The following USP24 variants were observed in gnomAD, a reference collection of about 807,000 sequenced individuals.
USP24 encodes ubiquitin specific peptidase 24.
In USP24, 97 loss-of-function variants were observed where a neutral mutation model predicts 361.6. The ratio of observed to expected loss-of-function variants is 0.27; its 90% CI spans 0.23 to 0.32. The LOEUF is 0.32. USP24 is among the 10% of genes least tolerant of loss of function. USP24 has a pLI of 1.00. For synonymous variants in USP24, 1,098 were observed against 1,124.6 expected (o/e 0.98, Z 0.47); for missense variants, 2,353 against 3,165.6 (o/e 0.74, Z 6.16).
At chr1:55,127,639 T>C (rs190753946) in intron 32 of USP24, among the ~76,000 whole-genome samples, 1 of 152,286 alleles carries the variant, frequency 6.6e-6, no homozygotes, top group East Asian at 1.9e-4. Flanking sequence ...TGAGGAATCG[T>C]CACACTGATT....
At chr1:55,093,596 G>C (rs1025887721) in intron 52 of USP24, 3 of 192,250 alleles carry the variant, frequency 1.6e-5, no homozygotes, top group Admixed American at 1.1e-4. Flanking sequence ...ACCTTAACTT[G>C]TTTTTCTCTC....
intron 1 of USP24, among the ~76,000 whole-genome samples, chr1:55,182,551 A>C (rs929887576): frequency 2.6e-5 from 4 of 152,128 alleles, no homozygotes; most frequent in African/African-American, 9.7e-5. Flanking sequence ...TGAAATCGTC[A>C]AATGTACCTA....
Position 55,138,725 on chromosome 1 carries a change from A to G in USP24, c.2818-7T>C. On this transcript the variant is annotated splice_region_variant and splice_polypyrimidine_tract_variant and intron_variant, in intron 25 of 67. Coordinates refer to ENST00000294383, the MANE Select transcript of USP24 (RefSeq NM_015306.3). ...GTGGAACAGAGTAAAAATCCTTAAA[A>G]AACGAATAAGTCAAGTCAGATGGAC... is the stretch of plus-strand genomic sequence containing the variant. 1 of 1,601,042 alleles carries G rather than the reference A, an allele frequency of 6.2e-7. No homozygotes were observed.
chr1:55,195,284 GCT>G (rs1644387189), intron 1 of USP24, among the ~76,000 whole-genome samples: 1 of 152,162 alleles, frequency 6.6e-6, no homozygotes, highest in African/African-American at 2.4e-5. Context: ...GCTGTAGGCT[GCT>G]CTCTCTGCCT....
Position 55,171,717 on chromosome 1 carries a change from T to C in USP24, c.703-39A>G, listed in dbSNP as rs116570827. 4.2e-3 allele frequency: 6,629 copies of C among 1,572,672 alleles called. 17 individuals are homozygous for C. Among genetic ancestry groups the C allele is most frequent in the Non-Finnish European group, 5.2e-3 (6,028 of 1,153,822 alleles). ...GAACAGAGAAACATTATTATCTATT[T>C]CTATAGCAACACATATTAGCATTAG... On this transcript the variant is annotated intron_variant, in intron 4 of 67. Coordinates refer to ENST00000294383, the MANE Select transcript of USP24 (RefSeq NM_015306.3).
At chr1:55,136,213 GC>G (rs979089573) in intron 28 of USP24, among the ~76,000 whole-genome samples, 6 of 152,148 alleles carry the variant, frequency 3.9e-5, no homozygotes, top group African/African-American at 1.4e-4. Context: ...GTGAGAGTGA[GC>G]CACCTGCATC....
chr1:55,211,677 A>C (rs544822859), intron 1 of USP24, among the ~76,000 whole-genome samples: 1 of 152,334 alleles, frequency 6.6e-6, no homozygotes, highest in East Asian at 1.9e-4. Flanking sequence ...AAGACCCACT[A>C]GAATGTAAAC....
Position 55,067,923 on chromosome 1 carries a change from T to C in USP24, c.*1122A>G, listed in dbSNP as rs749727877. The C allele has an allele frequency of 4.6e-5, 7 of 152,286 alleles. No individual in the cohort carries two copies. The highest frequency in any genetic ancestry group is 1.0e-4 in the Non-Finnish European group (7 of 68,052). The allele number at this position is 152,286 out of a possible 1,614,324, so 9.4% of individuals were successfully genotyped here. A position where few individuals can be genotyped will look rare whatever the true frequency, so the allele number is the denominator to read the frequency against. Reference sequence around the variant, plus strand: ...AATGGATGGTTATTCAATTGCTTTATATTTATTTCTGGGAAAATAAATCTT... The same window carrying C: ...AATGGATGGTTATTCAATTGCTTTACATTTATTTCTGGGAAAATAAATCTT... On this transcript the variant is annotated 3_prime_UTR_variant, in exon 68 of 68. Transcript: ENST00000294383.
In USP24 at chr1:55,107,398, C is replaced by A. The variant is rs1482293358; in HGVS notation, c.4603G>T (p.Ala1535Ser). 1 of 1,612,022 alleles carries A rather than the reference C, an allele frequency of 6.2e-7. No individual in the cohort carries two copies. Among genetic ancestry groups the A allele is most frequent in the South Asian group, 1.1e-5 (1 of 90,694 alleles). Residue 1535 changes from alanine (A) to serine (S), a missense_variant, in exon 40 of 68, where the codon GCT becomes TCT. This residue lies in a region of USP24 where 949 missense variants were observed against 1,280.5 expected (regional missense o/e 0.74). Coordinates refer to ENST00000294383, the MANE Select transcript of USP24 (RefSeq NM_015306.3). ...SEMEQLRISP[A>S]TMLEDEITWL... ...GTAATCTCATCTTCAAGCATCGTAG[C>A]TGGGCTGATCCTTAACTGCTCCATT...
chr1:55,138,950 A>G lies in USP24; in HGVS notation c.2811T>C (p.Thr937=), dbSNP rs763055517. Reference sequence around the variant, plus strand: ...AAAAAAGGAAGTGGCTTACCTCTATAGTGATCACATAGCGCTCTGCCAGAA... The same window carrying G: ...AAAAAAGGAAGTGGCTTACCTCTATGGTGATCACATAGCGCTCTGCCAGAA... ...LLLLAERYVI[T]IEDFYSVPRT... Residue 937 remains threonine (T), a synonymous_variant, in exon 25 of 68, where the codon ACT becomes ACC. Transcript: ENST00000294383. The G allele has an allele frequency of 1.2e-6, 2 of 1,611,548 alleles. No homozygotes were observed. Among genetic ancestry groups the G allele is most frequent in the East Asian group, 2.2e-5 (1 of 44,838 alleles).
chr1:55,207,858 G>A (rs951810846), intron 1 of USP24, among the ~76,000 whole-genome samples: 1 of 152,196 alleles, frequency 6.6e-6, no homozygotes, highest in African/African-American at 2.4e-5. Context: ...TAACTGGCTT[G>A]ATGCTACAGG....
At chr1:55,169,760 T>C (rs1263642415) in intron 5 of USP24, among the ~76,000 whole-genome samples, 2 of 151,998 alleles carry the variant, frequency 1.3e-5, no homozygotes, top group Non-Finnish European at 2.9e-5. Flanking sequence ...TAAAGTAAAG[T>C]TCAGGCCATC....
chr1:55,215,056 G>A lies in USP24; in HGVS notation c.58C>T (p.Pro20Ser). Residue 20 changes from proline to serine, a missense_variant, in exon 1 of 68, where the codon CCC (proline) becomes TCC (serine). Transcript: ENST00000294383. ...CGCAGGGCCTTGCGGATGGTGGCGG[G>A]GTCTGAGAAGCCCATGCACAGCAGC... Reference protein sequence around the residue: ...TTLLCMGFSDPATIRKALRLA... With the variant: ...TTLLCMGFSDSATIRKALRLA... The A allele has an allele frequency of 1.4e-6, 2 of 1,462,722 alleles. No homozygotes were observed. The highest frequency in any genetic ancestry group is 1.8e-6 in the Non-Finnish European group (2 of 1,104,080). 90.6% of individuals were successfully genotyped at this position (1,462,722 alleles called of 1,614,324 possible).
chr1:55,140,079 T>C (rs1056719586), intron 24 of USP24, among the ~76,000 whole-genome samples: 1 of 151,872 alleles, frequency 6.6e-6, no homozygotes, highest in Admixed American at 6.6e-5. Flanking sequence ...TAAACTACAA[T>C]GTTCTGGTTC....
intron 23 of USP24, among the ~76,000 whole-genome samples, chr1:55,142,505 G>A (rs1018305409): frequency 6.6e-6 from 1 of 152,122 alleles, no homozygotes; most frequent in Non-Finnish European, 1.5e-5. Flanking sequence ...CTCCAAAAGG[G>A]GAGGAAGGTG....
chr1:55,129,742 T>C (rs1384389924), intron 31 of USP24, among the ~76,000 whole-genome samples, 168 bp from the exon 32 acceptor site: 1 of 152,182 alleles, frequency 6.6e-6, no homozygotes, highest in East Asian at 1.9e-4. Flanking sequence ...AATAATCACA[T>C]TTTCCCTATT....
At chr1:55,136,831 T>A (rs1177287912) in intron 28 of USP24, among the ~76,000 whole-genome samples, 1 of 152,080 alleles carries the variant, frequency 6.6e-6, no homozygotes, top group Admixed American at 6.5e-5. Flanking sequence ...AGGATTGGGG[T>A]GCCTAGTAGA....
intron 35 of USP24, among the ~76,000 whole-genome samples, chr1:55,123,870 T>C (rs191654062): frequency 2.0e-5 from 3 of 152,330 alleles, no homozygotes; most frequent in Non-Finnish European, 2.9e-5. Context: ...TTTGTGGGCA[T>C]GAGGGAGCCC....
At position 55,123,893 on chromosome 1, in the gene USP24, C is replaced by T. The variant is rs111807480; in HGVS notation, c.4121-291G>A. Among the ~76,000 whole-genome samples the T allele has an allele frequency of 2.3e-3, 351 of 152,198 alleles. 1 individual carries two copies. Among genetic ancestry groups the T allele is most frequent in the African/African-American group, 8.2e-3 (339 of 41,530 alleles). ...CATGAGGGAGCCCTCCAGAGGATAT[C>T]GGAAATGTTTTCTACCTTGTAACTT... On this transcript the variant is annotated intron_variant, in intron 35 of 67. Coordinates refer to ENST00000294383, the MANE Select transcript of USP24 (RefSeq NM_015306.3).
Sources: allele counts gnomAD v4.1 joint callset (sites outside exome capture counted in the v4.1 genomes callset), GRCh38; gene constraint gnomAD v4.1.1; regional missense constraint gnomAD v4.1.1; transcripts MANE v1.5; gene names NCBI Gene and HGNC (gene_info 2026-07-23, HGNC 2026-07-21).